Variants in PCDH15 observed in about 807,000 individuals in gnomAD.
PCDH15 encodes protocadherin-15.
In PCDH15, 129 loss-of-function variants were observed where a neutral mutation model predicts 178.5. The observed-to-expected ratio is 0.72, with a 90% CI of 0.63 to 0.84. PCDH15 has a LOEUF of 0.84. PCDH15 is among the 40% of genes least tolerant of loss of function. The pLI is 0.00. For missense variants in PCDH15, 2,230 were observed against 2,099.9 expected, an observed-to-expected ratio of 1.06 and a Z score of -1.21; for synonymous variants, 800 against 732.0, an observed-to-expected ratio of 1.09 and a Z score of -1.50.
intron 2 of PCDH15, among the ~76,000 whole-genome samples, chr10:55,582,198 T>A (rs910166304): frequency 2.0e-5 from 3 of 152,120 alleles, no homozygotes; most frequent in African/African-American, 7.2e-5. Context: ...GCAACCAATC[T>A]AGAATCTCAT....
At chr10:53,963,740 T>A (rs1362444134) in intron 21 of PCDH15, among the ~76,000 whole-genome samples, 1 of 152,146 alleles carries the variant, frequency 6.6e-6, no homozygotes, top group Non-Finnish European at 1.5e-5. Context: ...TAATCATTGA[T>A]CCTTTCTCTT....
chr10:54,625,998 C>T (rs2093536647), intron 2 of PCDH15, among the ~76,000 whole-genome samples: 1 of 152,204 alleles, frequency 6.6e-6, no homozygotes. Flanking sequence ...GAAACTGGAG[C>T]AAAGGTGACT....
At chr10:55,473,684 A>G (rs1392180895) in intron 2 of PCDH15, among the ~76,000 whole-genome samples, 1 of 152,170 alleles carries the variant, frequency 6.6e-6, no homozygotes, top group Non-Finnish European at 1.5e-5. Context: ...TAGGTCTCCC[A>G]TTATGCAGCA....
chr10:54,712,767 C>T (rs1454127807), intron 1 of PCDH15, among the ~76,000 whole-genome samples: 1 of 151,904 alleles, frequency 6.6e-6, no homozygotes, highest in East Asian at 1.9e-4. Context: ...AAGATTGGTA[C>T]CAGTTTAAAC....
chr10:54,437,858 T>C (rs988719914), intron 3 of PCDH15, among the ~76,000 whole-genome samples: 3 of 152,316 alleles, frequency 2.0e-5, no homozygotes, highest in African/African-American at 7.2e-5. Context: ...GTTATACTTA[T>C]TGGTGTAAAT....
chr10:55,017,340 TATG>T (rs1564719626), intron 2 of PCDH15, among the ~76,000 whole-genome samples: 1 of 152,164 alleles, frequency 6.6e-6, no homozygotes. Flanking sequence ...GTTTAACTTA[TATG>T]ATAATACTAA....
At chr10:54,116,298 G>A (rs1262019600) in intron 15 of PCDH15, among the ~76,000 whole-genome samples, 2 of 150,510 alleles carry the variant, frequency 1.3e-5, no homozygotes, top group African/African-American at 2.4e-5. Flanking sequence ...GGTTACAATG[G>A]AGTCAACAGA....
chr10:55,442,785 A>G (rs1300920677), intron 2 of PCDH15, among the ~76,000 whole-genome samples: 1 of 151,886 alleles, frequency 6.6e-6, no homozygotes, highest in Non-Finnish European at 1.5e-5. Flanking sequence ...TACCTATGTT[A>G]CCCATTTTTT....
chr10:55,192,704 G>A (rs1029382077), intron 1 of PCDH15, among the ~76,000 whole-genome samples: 10 of 150,902 alleles, frequency 6.6e-5, no homozygotes, highest in African/African-American at 2.4e-4. Context: ...TAAATTCTGA[G>A]TTTCATAGAT....
intron 2 of PCDH15, among the ~76,000 whole-genome samples, chr10:55,561,974 A>T (rs1336520064): frequency 6.6e-6 from 1 of 151,958 alleles, no homozygotes; most frequent in African/African-American, 2.4e-5. Flanking sequence ...GGAGACTTTT[A>T]TTAATAGTCA....
chr10:55,248,207 TAC>T (rs1286906078), intron 1 of PCDH15, among the ~76,000 whole-genome samples: 1 of 151,276 alleles, frequency 6.6e-6, no homozygotes, highest in African/African-American at 2.4e-5. Flanking sequence ...CATATATATA[TAC>T]ACACACAAAT....
intron 2 of PCDH15, among the ~76,000 whole-genome samples, chr10:54,631,495 T>A (rs190873799): frequency 6.6e-6 from 1 of 152,250 alleles, no homozygotes; most frequent in East Asian, 1.9e-4. Context: ...GAAAGCAGTT[T>A]GGAGATTTCC....
chr10:55,391,839 G>A (rs1038541345), intron 2 of PCDH15, among the ~76,000 whole-genome samples: 1 of 152,108 alleles, frequency 6.6e-6, no homozygotes, highest in East Asian at 1.9e-4. Context: ...TTCACAACCC[G>A]GCTAACTGTT....
chr10:54,931,313 A>T (rs1733794), intron 2 of PCDH15, among the ~76,000 whole-genome samples: 20,427 of 152,142 alleles, frequency 0.13, 1,537 homozygotes, highest in East Asian at 0.23. Context: ...ACTTTTCAGT[A>T]ACGTTTGAAA....
At chr10:54,107,788 G>A (rs191259882) in intron 15 of PCDH15, among the ~76,000 whole-genome samples, 8 of 152,090 alleles carry the variant, frequency 5.3e-5, no homozygotes, top group East Asian at 1.9e-4. Flanking sequence ...GAAAGTAAAC[G>A]GTGTCAAAAC....
At chr10:53,990,101 G>T (rs1040893369) in intron 21 of PCDH15, among the ~76,000 whole-genome samples, 1 of 152,044 alleles carries the variant, frequency 6.6e-6, no homozygotes, top group Non-Finnish European at 1.5e-5. Context: ...TGGTAACATC[G>T]TGACATTTTA....
chr10:54,235,501 T>C (rs1222287218), intron 9 of PCDH15, among the ~76,000 whole-genome samples: 2 of 152,192 alleles, frequency 1.3e-5, no homozygotes, highest in African/African-American at 2.4e-5. Flanking sequence ...ATTATCTATA[T>C]AGATAATTGT....
At chr10:55,553,019 T>A (rs796656779) in intron 2 of PCDH15, among the ~76,000 whole-genome samples, 39 of 151,762 alleles carry the variant, frequency 2.6e-4, no homozygotes, top group African/African-American at 8.7e-4. Flanking sequence ...CAAAGTGAGA[T>A]ACATTAATTG....
chr10:55,289,601 G>A (rs1842958518), intron 1 of PCDH15, among the ~76,000 whole-genome samples: 1 of 151,908 alleles, frequency 6.6e-6, no homozygotes, highest in Non-Finnish European at 1.5e-5. Flanking sequence ...GGCATCTTAT[G>A]GACCCCTAAG....
Sources: gnomAD v4.1 joint callset for allele counts (sites outside exome capture counted in the v4.1 genomes callset) on GRCh38, gnomAD v4.1.1 for gene constraint, MANE v1.5 for transcripts, NCBI Gene and HGNC (gene_info 2026-07-23, HGNC 2026-07-21) for gene names.